The following RARG variants were observed in gnomAD, a reference collection of about 807,000 sequenced individuals.
RARG encodes retinoic acid receptor gamma, also known as RAR-gamma.
A neutral mutation model predicts 43.7 loss-of-function variants in RARG; 17 were observed. The observed-to-expected ratio is 0.39, with a 90% CI of 0.27 to 0.58. The LOEUF (loss-of-function observed/expected upper bound fraction) is 0.58. RARG is among the 20% of genes least tolerant of loss of function. The pLI is 0.57. For synonymous variants in RARG, 238 were observed against 236.4 expected, an observed-to-expected ratio of 1.01 and a Z score of -0.06; for missense variants, 346 against 598.7, an observed-to-expected ratio of 0.58 and a Z score of 4.40.
chr12:53,222,759 C>G lies in RARG; in HGVS notation c.184+4603G>C, dbSNP rs112034564. On this transcript the variant is annotated intron_variant, in intron 3 of 9. Coordinates refer to ENST00000425354, the MANE Select transcript of RARG (RefSeq NM_000966.6). ...CCCCCCATTCTAGACAGACTTAGTA[C>G]AGCCTTGGGGAGAAGGTAAGAGGGT... Among the ~76,000 whole-genome samples the G allele has an allele frequency of 2.0e-3, 310 of 151,690 alleles. 2 individuals are homozygous for G. The highest frequency in any genetic ancestry group is 7.3e-3 in the African/African-American group (302 of 41,364).
Position 53,215,777 on chromosome 12 carries a change from T to A in RARG, c.202A>T (p.Thr68Ser). 1 of 1,609,468 alleles carries A rather than the reference T, an allele frequency of 6.2e-7. No individual in the cohort carries two copies. The highest frequency in any genetic ancestry group is 8.5e-7 in the Non-Finnish European group (1 of 1,177,766). ...MASLSVETQSTSSEEMVPSSP... is the reference protein window; with the variant it reads ...MASLSVETQSSSSEEMVPSSP... ...CTGGGCACCATCTCCTCTGAGCTGG[T>A]GCTCTGTGTCTCCACCGCTGGGAGG... Residue 68 changes from threonine to serine, a missense_variant, in exon 4 of 10, where the codon ACC becomes TCC. Thr to Ser is a moderately conservative substitution (Grantham distance 58, BLOSUM62 1). Coordinates refer to ENST00000425354, the MANE Select transcript of RARG (RefSeq NM_000966.6). The surrounding 1 kb of genome is among the most constrained non-coding windows in gnomAD (Gnocchi z 6.4).
At chr12:53,212,746 ACAC>A (rs1942637291) in intron 9 of RARG, among the ~76,000 whole-genome samples, 1 of 147,890 alleles carries the variant, frequency 6.8e-6, no homozygotes, top group Non-Finnish European at 1.5e-5. Context: ...ATACACACAC[ACAC>A]ACACACACAC....
chr12:53,220,849 AG>A (rs1387588809), intron 3 of RARG, among the ~76,000 whole-genome samples: 2 of 152,092 alleles, frequency 1.3e-5, no homozygotes, highest in Admixed American at 6.5e-5. Context: ...GGGAACGTGG[AG>A]GTCCCCGCGC....
chr12:53,212,737 T>TATATATACAC (rs1272930364), intron 9 of RARG, among the ~76,000 whole-genome samples: 1 of 133,766 alleles, frequency 7.5e-6, no homozygotes, highest in African/African-American at 2.9e-5. Flanking sequence ...AATATATATA[T>TATATATACAC]ACACACACAC....
In RARG at chr12:53,213,125, C is replaced by T. The variant is rs751818808; in HGVS notation, c.1137G>A (p.Met379Ile). 3.7e-6 allele frequency: 6 copies of T among 1,614,160 alleles called. No homozygotes were observed. Among genetic ancestry groups the T allele is most frequent in the Non-Finnish European group, 5.1e-6 (6 of 1,180,014 alleles). Residue 379 changes from methionine to isoleucine, a missense_variant, in exon 9 of 10, where the codon ATG (methionine) becomes ATA (isoleucine). Met to Ile is a conservative substitution (Grantham distance 10). This residue lies in a region of RARG where 20 missense variants were observed against 58.5 expected (regional missense o/e 0.34). Coordinates refer to ENST00000425354, the MANE Select transcript of RARG (RefSeq NM_000966.6). This position sits in a 1 kb window ranked among gnomAD's most constrained non-coding sequence, Gnocchi z 4.7. Reference protein sequence around the residue: ...RPSQPYMFPRMLMKITDLRGI... With the variant: ...RPSQPYMFPRILMKITDLRGI... ...CCCGGAGGTCGGTGATTTTCATTAG[C>T]ATCCTTGGGAACATGTAGGGCTGGC...
intron 3 of RARG, among the ~76,000 whole-genome samples, chr12:53,220,708 G>A (rs1031080106): frequency 2.0e-5 from 3 of 152,186 alleles, no homozygotes; most frequent in African/African-American, 4.8e-5. Context: ...TGAGGCGCGT[G>A]CCCAGGTCGG....
At chr12:53,223,362 G>T (rs1262207861) in intron 3 of RARG, among the ~76,000 whole-genome samples, 1 of 152,028 alleles carries the variant, frequency 6.6e-6, no homozygotes, top group African/African-American at 2.4e-5. Flanking sequence ...TGGAGGAGGG[G>T]GCAGCAGAAG....
In RARG at chr12:53,214,570, A is replaced by T; in HGVS notation, c.512T>A (p.Val171Glu). ...RNDRNKKKKE[V>E]KEEGSPDSYE... ...GCTGTCAGGTGACCCTTCTTCCTTCACCTCTTTCTTCTTCTTGTTCCGGTC... is the reference window on the plus strand; with the variant it reads ...GCTGTCAGGTGACCCTTCTTCCTTCTCCTCTTTCTTCTTCTTGTTCCGGTC... The change falls in exon 6 of 10, where the codon GTG (valine) becomes GAG (glutamate). Residue 171 changes from valine (V) to glutamate (E), a missense_variant. By Grantham distance (121) the Val-to-Glu change is moderately radical. Coordinates refer to ENST00000425354, the MANE Select transcript of RARG (RefSeq NM_000966.6). 6.2e-7 allele frequency: 1 copy of T among 1,609,014 alleles called. No individual in the cohort carries two copies. Among genetic ancestry groups the T allele is most frequent in the Non-Finnish European group, 8.5e-7 (1 of 1,176,192 alleles).
chr12:53,226,700 T>C (rs1441000854), intron 3 of RARG, among the ~76,000 whole-genome samples: 2 of 149,148 alleles, frequency 1.3e-5, no homozygotes, highest in African/African-American at 5.0e-5. Flanking sequence ...CAACCTCTGC[T>C]TCCTGTGTTC....
At chr12:53,223,362 G>A (rs1262207861) in intron 3 of RARG, among the ~76,000 whole-genome samples, 1 of 152,028 alleles carries the variant, frequency 6.6e-6, no homozygotes, top group Non-Finnish European at 1.5e-5. Flanking sequence ...TGGAGGAGGG[G>A]GCAGCAGAAG....
At chr12:53,230,292 G>A (rs1005549309) in intron 2 of RARG, among the ~76,000 whole-genome samples, 2 of 151,982 alleles carry the variant, frequency 1.3e-5, no homozygotes, top group African/African-American at 4.8e-5. Flanking sequence ...TTAGAGCTGA[G>A]GTGGAGTTGA....
chr12:53,216,120 C>T (rs1942753407), intron 3 of RARG, among the ~76,000 whole-genome samples: 1 of 152,176 alleles, frequency 6.6e-6, no homozygotes, highest in African/African-American at 2.4e-5. Context: ...TTCTCTGGGC[C>T]TGTTTCCCTA....
chr12:53,214,358 C>A (rs922953400), intron 6 of RARG, 88 bp downstream of exon 6: 2 of 1,549,962 alleles, frequency 1.3e-6, no homozygotes, highest in Non-Finnish European at 1.8e-6. Flanking sequence ...GTCCTCAGCA[C>A]CAGTCGATGA....
At chr12:53,212,495 A>G (rs1942620839) in intron 9 of RARG, among the ~76,000 whole-genome samples, 1 of 152,130 alleles carries the variant, frequency 6.6e-6, no homozygotes, top group Non-Finnish European at 1.5e-5. Flanking sequence ...TGCAGTGGCT[A>G]TTCACAGGTA....
Position 53,213,349 on chromosome 12 carries a change from T to A in RARG, c.1019-106A>T. ...GCGTTTTGGGAAGCCTGTACAGGGT[T>A]TCAGAACTCTCTGGATGGGGCCAGG... On this transcript the variant is annotated intron_variant, in intron 8 of 9. Coordinates refer to ENST00000425354, the MANE Select transcript of RARG (RefSeq NM_000966.6). This position sits in a 1 kb window ranked among gnomAD's most constrained non-coding sequence, Gnocchi z 4.7. 6.7e-7 allele frequency: 1 copy of A among 1,484,960 alleles called. No individual in the cohort carries two copies. Among genetic ancestry groups the A allele is most frequent in the Non-Finnish European group, 9.3e-7 (1 of 1,076,988 alleles). 92.0% of individuals were successfully genotyped at this position (1,484,960 alleles called of 1,614,324 possible).
intron 3 of RARG, among the ~76,000 whole-genome samples, chr12:53,226,813 T>C (rs1226195662): frequency 6.6e-6 from 1 of 152,012 alleles, no homozygotes; most frequent in Admixed American, 6.6e-5. Context: ...AGTTTCACCA[T>C]GTTGGCCAGG....
rs189409035 is a variant in RARG, at chr12:53,213,017, C to T, written c.1177+68G>A. 225 of 1,497,888 alleles carry T rather than the reference C, an allele frequency of 1.5e-4. 1 individual carries two copies. The African/African-American group carries it at 2.8e-3, about 19-fold the overall frequency. The allele number at this position is 1,497,888 out of a possible 1,614,324, so 92.8% of individuals were successfully genotyped here. The stretch of plus-strand genomic sequence containing the variant: ...CTACTCTGTTCTTGTCTCTGTGTGT[C>T]CTCCTGTCCGACCTGGGAGACCAAC... On this transcript the variant is annotated intron_variant, in intron 9 of 9. Transcript: ENST00000425354. This position sits in a 1 kb window ranked among gnomAD's most constrained non-coding sequence, Gnocchi z 4.7.
Position 53,227,451 on chromosome 12 carries a change from G to A in RARG, c.95C>T (p.Ala32Val). The change falls in exon 3 of 10, where the codon GCA becomes GTA. Residue 32 changes from alanine (A) to valine (V), a missense_variant. Physicochemically the swap from Ala to Val is moderately conservative, Grantham distance 64. This residue lies in a region of RARG where 90 missense variants were observed against 93.2 expected (regional missense o/e 0.97). Transcript: ENST00000425354. The surrounding 1 kb of genome is among the most constrained non-coding windows in gnomAD (Gnocchi z 4.3). ...GAGFPFAFPG[A>V]LRGSPPFEML... ...CTCGAAAGGCGGAGACCCCCTGAGT[G>A]CCCCTGGGAAGGCGAAGGGGAAACC... 6.2e-7 allele frequency: 1 copy of A among 1,610,438 alleles called. No homozygotes were observed. The highest frequency in any genetic ancestry group is 8.5e-7 in the Non-Finnish European group (1 of 1,178,490).
In RARG at chr12:53,215,886, C is replaced by T; in HGVS notation, c.185-92G>A. 1 of 1,356,336 alleles carries T rather than the reference C, an allele frequency of 7.4e-7. No homozygotes were observed. The allele number at this position is 1,356,336 out of a possible 1,614,324, so 84.0% of individuals were successfully genotyped here. A position where few individuals can be genotyped will look rare whatever the true frequency, so the allele number is the denominator to read the frequency against. On this transcript the variant is annotated intron_variant, in intron 3 of 9. Coordinates refer to ENST00000425354, the MANE Select transcript of RARG (RefSeq NM_000966.6). The surrounding 1 kb of genome is among the most constrained non-coding windows in gnomAD (Gnocchi z 6.4). ...CACACACACCCCATGTGCATTTGTT[C>T]CTTGGCCCACTGGTGACAGCCATCA...
Sources: allele counts gnomAD v4.1 joint callset (sites outside exome capture counted in the v4.1 genomes callset), GRCh38; gene constraint gnomAD v4.1.1; regional missense constraint gnomAD v4.1.1; non-coding constraint Gnocchi (gnomAD v3.1); transcripts MANE v1.5; gene names NCBI Gene and HGNC (gene_info 2026-07-23, HGNC 2026-07-21).